The following CACNA2D3 variants were observed in gnomAD, a reference collection of about 807,000 sequenced individuals.
CACNA2D3 encodes the protein voltage-dependent calcium channel subunit alpha-2/delta-3.
A neutral mutation model predicts 160.6 loss-of-function variants in CACNA2D3; 60 were observed. That is an observed-to-expected ratio of 0.37 (90% confidence interval 0.30 to 0.46). CACNA2D3 has a LOEUF of 0.46. Among genes scored for constraint, CACNA2D3 ranks in the 20% least tolerant of loss-of-function variants. The pLI, the probability that CACNA2D3 is intolerant of heterozygous loss-of-function variation, is 1.00. For synonymous variants in CACNA2D3, 558 were observed against 492.9 expected, an observed-to-expected ratio of 1.13 and a Z score of -1.75; for missense variants, 1,205 against 1,365.0, an observed-to-expected ratio of 0.88 and a Z score of 1.85.
At position 54,327,919 on chromosome 3, in the gene CACNA2D3, A is replaced by C. The variant is rs1704152626; in HGVS notation, c.321+7361A>C. Among the ~76,000 whole-genome samples the C allele has an allele frequency of 3.3e-5, 5 of 152,322 alleles. No individual in the cohort carries two copies. In the Middle Eastern group the frequency reaches 0.014, roughly 414 times the overall value. On this transcript the variant is annotated intron_variant, in intron 3 of 37. Transcript: ENST00000474759. ...ATTACATGTTGTGGACATGTCAATG[A>C]ATATAGATTTCTATTATTTTTCATG...
rs752021522 is a variant in CACNA2D3, at chr3:54,207,322, T to C, written c.204+83728T>C. On this transcript the variant is annotated intron_variant, in intron 2 of 37. Coordinates refer to ENST00000474759, the MANE Select transcript of CACNA2D3 (RefSeq NM_018398.3). ...ACCAGAAAAGTGAAGCTCAGAGATA[T>C]TGCCACTTGCCAAGGTCACACAGCT... Among the ~76,000 whole-genome samples the C allele has an allele frequency of 5.6e-4, 85 of 150,684 alleles. 4 individuals are homozygous for C. The highest frequency in any genetic ancestry group is 1.2e-3 in the African/African-American group (50 of 40,842).
At chr3:54,234,833 GAAC>G (rs1305422351) in intron 2 of CACNA2D3, among the ~76,000 whole-genome samples, 4 of 152,020 alleles carry the variant, frequency 2.6e-5, no homozygotes, top group Non-Finnish European at 5.9e-5. Flanking sequence ...ACAAAGAAGG[GAAC>G]AACAGACACT....
At chr3:55,056,427 C>T (rs192625179) in intron 35 of CACNA2D3, among the ~76,000 whole-genome samples, 59 of 152,132 alleles carry the variant, frequency 3.9e-4, no homozygotes, top group African/African-American at 1.3e-3. Flanking sequence ...ATAGAATTAC[C>T]GTAAGTTGTA....
chr3:54,384,035 T>A (rs1225409127), intron 3 of CACNA2D3, among the ~76,000 whole-genome samples: 3 of 152,220 alleles, frequency 2.0e-5, no homozygotes, highest in African/African-American at 4.8e-5. Context: ...GGATACTGTT[T>A]CATGGTGATT....
intron 3 of CACNA2D3, among the ~76,000 whole-genome samples, chr3:54,350,986 G>GTTTTTT (rs796392854): frequency 2.1e-4 from 14 of 65,948 alleles, no homozygotes; most frequent in South Asian, 5.1e-4. Flanking sequence ...TTTTTTGTTT[G>GTTTTTT]TTTTTTTTTT....
intron 2 of CACNA2D3, among the ~76,000 whole-genome samples, chr3:54,273,953 C>T (rs927184024): frequency 2.6e-5 from 4 of 152,038 alleles, no homozygotes; most frequent in African/African-American, 9.7e-5. Context: ...AATCCCAGGC[C>T]AGGTTGCATC....
At chr3:54,124,702 G>T (rs760854205) in intron 2 of CACNA2D3, among the ~76,000 whole-genome samples, 16 of 152,254 alleles carry the variant, frequency 1.1e-4, no homozygotes, top group Non-Finnish European at 2.1e-4. Flanking sequence ...GTAATAAAGC[G>T]TTGGCCCACC....
At chr3:54,720,601 C>G (rs536898592) in intron 11 of CACNA2D3, among the ~76,000 whole-genome samples, 3 of 152,082 alleles carry the variant, frequency 2.0e-5, no homozygotes, top group African/African-American at 7.2e-5. Context: ...CCATATATGT[C>G]AATGTGATCA....
chr3:54,530,090 G>A (rs1701784290), intron 5 of CACNA2D3, among the ~76,000 whole-genome samples: 1 of 152,214 alleles, frequency 6.6e-6, no homozygotes, highest in African/African-American at 2.4e-5. Flanking sequence ...CGTGGGGGAT[G>A]TGAACATCTT....
In CACNA2D3 at chr3:54,764,219, A is replaced by T. The variant is rs770013746; in HGVS notation, c.1248A>T (p.Gly416=). Residue 416 remains glycine, a splice_region_variant and synonymous_variant, in exon 13 of 38, where the codon GGA becomes GGT. Coordinates refer to ENST00000474759, the MANE Select transcript of CACNA2D3 (RefSeq NM_018398.3). The stretch of plus-strand genomic sequence containing the variant: ...TGGCCCTCCCTTGGGTTTTGACAGG[A>T]TTTTTTACCCAGATCTCCACCTTGG... ...NLKWMACANK[G]FFTQISTLAD... 8.1e-6 allele frequency: 13 copies of T among 1,612,970 alleles called. No individual in the cohort carries two copies. In the East Asian group the frequency reaches 1.1e-4, roughly 14 times the overall value.
chr3:54,709,987 C>T (rs1030826256), intron 11 of CACNA2D3, among the ~76,000 whole-genome samples: 9 of 152,276 alleles, frequency 5.9e-5, no homozygotes, highest in Middle Eastern at 3.4e-3. Flanking sequence ...AAAACAACAA[C>T]AACAAAAGTC....
intron 2 of CACNA2D3, among the ~76,000 whole-genome samples, chr3:54,242,155 T>TCACACGTGTAATCCTAG (rs1701985679): frequency 6.6e-6 from 1 of 152,208 alleles, no homozygotes; most frequent in South Asian, 2.1e-4. Flanking sequence ...GCACAGTGGC[T>TCACACGTGTAATCCTAG]CACACGTGTA....
At chr3:55,054,440 T>C (rs1199866789) in intron 35 of CACNA2D3, among the ~76,000 whole-genome samples, 1 of 151,890 alleles carries the variant, frequency 6.6e-6, no homozygotes, top group Non-Finnish European at 1.5e-5. Context: ...TATATAACAC[T>C]CAGTGAATTT....
chr3:54,671,472 G>C (rs1700159900), intron 11 of CACNA2D3, among the ~76,000 whole-genome samples: 1 of 151,968 alleles, frequency 6.6e-6, no homozygotes, highest in Non-Finnish European at 1.5e-5. Flanking sequence ...CTTTGCTGTT[G>C]GGAAGGCAGA....
intron 11 of CACNA2D3, among the ~76,000 whole-genome samples, chr3:54,660,564 G>T (rs531041309): frequency 2.6e-5 from 4 of 152,154 alleles, no homozygotes; most frequent in Non-Finnish European, 5.9e-5. Flanking sequence ...CAGTAGGCTG[G>T]CCCTTACATT....
At chr3:54,130,447 C>A (rs1196030066) in intron 2 of CACNA2D3, among the ~76,000 whole-genome samples, 1 of 152,188 alleles carries the variant, frequency 6.6e-6, no homozygotes, top group Non-Finnish European at 1.5e-5. Flanking sequence ...TGTGCATTTC[C>A]ACCGTGGCCC....
intron 35 of CACNA2D3, among the ~76,000 whole-genome samples, chr3:55,072,681 C>G (rs1485587021): frequency 6.6e-6 from 1 of 152,158 alleles, no homozygotes; most frequent in African/African-American, 2.4e-5. Context: ...CTCATTTGTT[C>G]CTCCAAAGAA....
chr3:55,059,939 A>T (rs1704465710), intron 35 of CACNA2D3, among the ~76,000 whole-genome samples: 1 of 152,016 alleles, frequency 6.6e-6, no homozygotes, highest in Non-Finnish European at 1.5e-5. Flanking sequence ...TCTTCTGTTT[A>T]TCTGCTCGTC....
At chr3:54,284,436 A>C (rs1355745222) in intron 2 of CACNA2D3, among the ~76,000 whole-genome samples, 1 of 152,034 alleles carries the variant, frequency 6.6e-6, no homozygotes, top group Non-Finnish European at 1.5e-5. Context: ...CAAATATACC[A>C]CAATAACATA....
Sources: allele counts gnomAD v4.1 joint callset (sites outside exome capture counted in the v4.1 genomes callset), GRCh38; gene constraint gnomAD v4.1.1; transcripts MANE v1.5; gene names NCBI Gene and HGNC (gene_info 2026-07-23, HGNC 2026-07-21).